Variants in PLCXD3 observed in about 807,000 individuals in gnomAD.
PLCXD3 encodes phosphatidylinositol specific phospholipase C X domain containing 3, also known as PI-PLC X domain-containing protein 3.
In PLCXD3, 19 loss-of-function variants were observed where a neutral mutation model predicts 25.5. That is an observed-to-expected ratio of 0.75 (90% confidence interval 0.52 to 1.09). PLCXD3 has a LOEUF of 1.09. PLCXD3 is among the 50% of genes least tolerant of loss of function. The pLI is 0.00. For missense variants in PLCXD3, 411 were observed against 388.1 expected (o/e 1.06, Z -0.50); for synonymous variants, 174 against 137.6 (o/e 1.26, Z -1.85).
intron 1 of PLCXD3, among the ~76,000 whole-genome samples, chr5:41,493,431 T>C (rs1259669056): frequency 6.6e-6 from 1 of 152,224 alleles, no homozygotes; most frequent in African/African-American, 2.4e-5. Flanking sequence ...GATCTCCAGC[T>C]GCATACTGGG....
Position 41,510,484 on chromosome 5 carries a change from A to G in PLCXD3, c.43T>C (p.Trp15Arg). The part of the protein sequence containing the change: ...QGKNELKLAD[W>R]MATLPESMHS... ...ATGCTCTCCGGCAGAGTTGCCATCC[A>G]GTCGGCTAATTTCAGCTCGTTTTTC... The change falls in exon 1 of 3, where the codon TGG (tryptophan) becomes CGG (arginine). Residue 15 changes from tryptophan (W) to arginine (R), a missense_variant. By Grantham distance (101) the Trp-to-Arg change is moderately radical (BLOSUM62 -3). Coordinates refer to ENST00000377801, the MANE Select transcript of PLCXD3 (RefSeq NM_001005473.3). 1.2e-6 allele frequency: 2 copies of G among 1,613,308 alleles called. No individual in the cohort carries two copies. The highest frequency in any genetic ancestry group is 1.7e-6 in the Non-Finnish European group (2 of 1,179,590).
chr5:41,329,365 A>G (rs1228231892), intron 2 of PLCXD3, among the ~76,000 whole-genome samples: 1 of 152,112 alleles, frequency 6.6e-6, no homozygotes, highest in Admixed American at 6.6e-5. Context: ...CTGTTTTCCT[A>G]CTGTTGTAGC....
chr5:41,316,277 C>A (rs1470689992), intron 2 of PLCXD3, among the ~76,000 whole-genome samples: 1 of 152,088 alleles, frequency 6.6e-6, no homozygotes, highest in African/African-American at 2.4e-5. Flanking sequence ...AACCTGCTGC[C>A]TTGAAGAAAA....
chr5:41,451,787 C>CT (rs1747638440), intron 1 of PLCXD3, among the ~76,000 whole-genome samples: 1 of 151,890 alleles, frequency 6.6e-6, no homozygotes, highest in South Asian at 2.1e-4. Flanking sequence ...ACATTTGTCA[C>CT]TTTTTTGCTA....
intron 1 of PLCXD3, among the ~76,000 whole-genome samples, chr5:41,472,110 T>C (rs1339186512): frequency 2.6e-5 from 4 of 151,644 alleles, no homozygotes; most frequent in South Asian, 2.1e-4. Context: ...AATCTGGATA[T>C]ATTTCCTACC....
intron 1 of PLCXD3, among the ~76,000 whole-genome samples, chr5:41,397,382 C>T (rs1226218602): frequency 6.6e-6 from 1 of 152,172 alleles, no homozygotes; most frequent in Non-Finnish European, 1.5e-5. Flanking sequence ...TTGGTGGCTT[C>T]CACATGGTTT....
chr5:41,423,842 A>G (rs573703735), intron 1 of PLCXD3, among the ~76,000 whole-genome samples: 2 of 152,324 alleles, frequency 1.3e-5, no homozygotes, highest in Admixed American at 6.5e-5. Flanking sequence ...TGAAAAATAA[A>G]AACTGTATAT....
chr5:41,428,353 G>C (rs926253364), intron 1 of PLCXD3, among the ~76,000 whole-genome samples: 2 of 149,144 alleles, frequency 1.3e-5, no homozygotes, highest in African/African-American at 2.5e-5. Context: ...GGTCTTTAAA[G>C]AGGTGATTAA....
intron 1 of PLCXD3, among the ~76,000 whole-genome samples, chr5:41,500,393 C>T (rs966765232): frequency 2.0e-5 from 3 of 151,358 alleles, no homozygotes; most frequent in Non-Finnish European, 3.0e-5. Context: ...ACGAATGTAG[C>T]GAGTGGAATA....
At position 41,415,600 on chromosome 5, in the gene PLCXD3, C is replaced by T. The variant is rs572727183; in HGVS notation, c.104-33066G>A. Among the ~76,000 whole-genome samples, 8 of 152,310 alleles carry T rather than the reference C, an allele frequency of 5.3e-5. No homozygotes were observed. The East Asian group carries it at 1.2e-3, about 22-fold the overall frequency. On this transcript the variant is annotated intron_variant, in intron 1 of 2. Coordinates refer to ENST00000377801, the MANE Select transcript of PLCXD3 (RefSeq NM_001005473.3). ...TAGAGCACTTATTATGCATCCTAAT[C>T]ACTTAGATACTTAGTTCCATTCTGC... is the stretch of plus-strand genomic sequence containing the variant.
At chr5:41,329,266 C>A (rs749866215) in intron 2 of PLCXD3, among the ~76,000 whole-genome samples, 16 of 152,206 alleles carry the variant, frequency 1.1e-4, no homozygotes, top group Non-Finnish European at 2.1e-4. Flanking sequence ...TTAAATGTCA[C>A]TTCTTCGAAA....
At chr5:41,424,490 A>C (rs2150506871) in intron 1 of PLCXD3, among the ~76,000 whole-genome samples, 1 of 152,310 alleles carries the variant, frequency 6.6e-6, no homozygotes, top group East Asian at 1.9e-4. Flanking sequence ...TGGTGAGCCA[A>C]GATCGTGCCA....
chr5:41,375,658 G>C (rs541655193), intron 2 of PLCXD3, among the ~76,000 whole-genome samples: 24 of 152,172 alleles, frequency 1.6e-4, no homozygotes, highest in Admixed American at 1.2e-3. Flanking sequence ...GCTTTCTTGA[G>C]GCAAAGCCAC....
intron 1 of PLCXD3, among the ~76,000 whole-genome samples, chr5:41,448,290 G>A (rs1747551180): frequency 6.6e-6 from 1 of 152,118 alleles, no homozygotes; most frequent in African/African-American, 2.4e-5. Context: ...GGATGAAAAA[G>A]CCACCTGCTC....
chr5:41,405,759 T>G (rs1049710969), intron 1 of PLCXD3, among the ~76,000 whole-genome samples: 2 of 152,152 alleles, frequency 1.3e-5, no homozygotes, highest in African/African-American at 2.4e-5. Flanking sequence ...ATTGGTCCAA[T>G]TTTTTATTTG....
chr5:41,330,312 A>G (rs1743758048), intron 2 of PLCXD3, among the ~76,000 whole-genome samples: 1 of 152,224 alleles, frequency 6.6e-6, no homozygotes, highest in Non-Finnish European at 1.5e-5. Flanking sequence ...AGAACACTAC[A>G]AACACCTCTA....
chr5:41,443,776 A>G (rs577719603), intron 1 of PLCXD3, among the ~76,000 whole-genome samples: 2 of 152,306 alleles, frequency 1.3e-5, no homozygotes, highest in East Asian at 3.9e-4. Context: ...ATTTCAGGGC[A>G]GGCTGGGTGA....
Position 41,400,353 on chromosome 5 carries a change from AG to A in PLCXD3, c.104-17820del, listed in dbSNP as rs529070454. Among the ~76,000 whole-genome samples, 56 of 152,282 alleles carry A rather than the reference AG, an allele frequency of 3.7e-4. No homozygotes were observed. In the East Asian group the frequency reaches 7.1e-3, roughly 19 times the overall value. ...CACTGCTGGGTATATACCCAAAAAA[AG>A]AAAATCAGTATACTGAAGAGTTAGC... On this transcript the variant is annotated intron_variant, in intron 1 of 2. Transcript: ENST00000377801.
rs148657042 is a variant in PLCXD3 at position 41,326,770 on chromosome 5, A to G, written c.813-13000T>C. 2.6e-5 allele frequency among the ~76,000 whole-genome samples: 4 copies of G among 152,298 alleles called. No homozygotes were observed. The East Asian group carries it at 7.7e-4, about 29-fold the overall frequency. ...GTGTACATAGCACATAACATTGATT[A>G]TCCATTTCCATGCCAATTTTTACCA... On this transcript the variant is annotated intron_variant, in intron 2 of 2. Transcript: ENST00000377801.
Sources: allele counts gnomAD v4.1 joint callset (sites outside exome capture counted in the v4.1 genomes callset), GRCh38; gene constraint gnomAD v4.1.1; transcripts MANE v1.5; gene names NCBI Gene and HGNC (gene_info 2026-07-23, HGNC 2026-07-21).